CUL2: variants seen among roughly 807,000 people sequenced by gnomAD.
The protein encoded by CUL2 is cullin-2.
In CUL2, 22 loss-of-function variants were observed where a neutral mutation model predicts 110.2. The ratio of observed to expected loss-of-function variants is 0.20; its 90% CI spans 0.14 to 0.28. The LOEUF is 0.28. Among genes scored for constraint, CUL2 ranks in the 10% least tolerant of loss-of-function variants. CUL2 has a pLI of 1.00. For missense variants in CUL2, 631 were observed against 905.5 expected (o/e 0.70, Z 3.89); for synonymous variants, 279 against 293.2 (o/e 0.95, Z 0.49).
At chr10:35,115,081 G>A (rs1372104579) in intron 1 of CUL2, among the ~76,000 whole-genome samples, 1 of 151,948 alleles carries the variant, frequency 6.6e-6, no homozygotes, top group Non-Finnish European at 1.5e-5. Context: ...ATGTGATGAT[G>A]TGCGCCTTTA....
intron 1 of CUL2, among the ~76,000 whole-genome samples, chr10:35,076,314 T>G (rs1446284924): frequency 1.3e-5 from 2 of 152,174 alleles, no homozygotes; most frequent in Non-Finnish European, 1.5e-5. Context: ...GAAAATGCTC[T>G]AAAGTTGATT....
intron 6 of CUL2, among the ~76,000 whole-genome samples, chr10:35,049,364 G>C (rs966232054): frequency 1.3e-5 from 2 of 152,048 alleles, no homozygotes; most frequent in Non-Finnish European, 2.9e-5. Context: ...AGCAACTCAG[G>C]GCACTGCCTA....
At chr10:35,107,662 C>T (rs531799516) in intron 1 of CUL2, among the ~76,000 whole-genome samples, 1 of 151,076 alleles carries the variant, frequency 6.6e-6, no homozygotes, top group Non-Finnish European at 1.5e-5. Flanking sequence ...GCGGGTGAAT[C>T]ACGAGGTCAG....
intron 1 of CUL2, among the ~76,000 whole-genome samples, chr10:35,111,073 A>G (rs987572105): frequency 2.0e-5 from 3 of 152,196 alleles, no homozygotes; most frequent in Admixed American, 2.0e-4. Flanking sequence ...TAAAAGTAGC[A>G]TGCATGGGTT....
intron 1 of CUL2, among the ~76,000 whole-genome samples, chr10:35,078,972 T>A (rs533110140): frequency 2.0e-5 from 3 of 152,286 alleles, no homozygotes; most frequent in African/African-American, 7.2e-5. Flanking sequence ...AGAGCAGATT[T>A]CCTTCCAAAT....
chr10:35,054,563 T>C (rs975559856), intron 4 of CUL2, 24 bp from the exon 5 acceptor site: 1 of 1,320,012 alleles, frequency 7.6e-7, no homozygotes, highest in Non-Finnish European at 1.1e-6. Context: ...GTAATATCAA[T>C]GGATATTAAG....
rs992427858 is a variant in CUL2, at chr10:35,061,934, A to G, written c.223-966T>C. ...GTTCTTACCATTTAAAAAAGTATCT[A>G]CTCCTGACCACGTGCAGGGTTAGAC... On this transcript the variant is annotated intron_variant, in intron 3 of 20. Transcript: ENST00000374749. Among the ~76,000 whole-genome samples the G allele has an allele frequency of 4.0e-5, 6 of 151,668 alleles. No homozygotes were observed. The East Asian group carries it at 1.2e-3, about 29-fold the overall frequency.
intron 2 of CUL2, among the ~76,000 whole-genome samples, chr10:35,097,381 T>C (rs1308728739): frequency 6.7e-6 from 1 of 150,340 alleles, no homozygotes. Context: ...AAGACCAGCC[T>C]GGGGAGGCTG....
intron 9 of CUL2, among the ~76,000 whole-genome samples, chr10:35,037,071 G>A (rs958904638): frequency 3.3e-5 from 5 of 152,012 alleles, no homozygotes; most frequent in African/African-American, 1.2e-4. Context: ...GGCTTTTTGT[G>A]TCCTATTTAA....
At chr10:35,123,153 T>C (rs540187418) in intron 1 of CUL2, among the ~76,000 whole-genome samples, 1 of 61,220 alleles carries the variant, frequency 1.6e-5, no homozygotes, top group South Asian at 8.8e-4. Context: ...AAGCAAAACA[T>C]AACAAAAAAC....
At chr10:35,108,700 T>C (rs936550600) in intron 1 of CUL2, among the ~76,000 whole-genome samples, 1 of 152,028 alleles carries the variant, frequency 6.6e-6, no homozygotes, top group Non-Finnish European at 1.5e-5. Flanking sequence ...GGGTTTCTCA[T>C]GAGATTTCAG....
chr10:35,071,399 T>G, intron 1 of CUL2, 60 bp from the exon 2 acceptor site: 1 of 1,447,538 alleles, frequency 6.9e-7, no homozygotes, highest in Non-Finnish European at 9.6e-7. Flanking sequence ...GTTTTTTTGT[T>G]GTTGTTTTTT....
chr10:35,012,436 C>T (rs1180712031), intron 19 of CUL2, among the ~76,000 whole-genome samples: 3 of 152,002 alleles, frequency 2.0e-5, no homozygotes, highest in Non-Finnish European at 4.4e-5. Flanking sequence ...GGAGTTGTGT[C>T]AACTGCAGTA....
At chr10:35,013,677 A>G (rs769264066) in intron 19 of CUL2, 22 bp downstream of exon 19, 1 of 1,471,540 alleles carries the variant, frequency 6.8e-7, no homozygotes, top group Admixed American at 2.0e-5. Context: ...CTCAAAAAAA[A>G]CTTGACATTA....
At chr10:35,076,140 A>G (rs2086812100) in intron 1 of CUL2, among the ~76,000 whole-genome samples, 1 of 152,210 alleles carries the variant, frequency 6.6e-6, no homozygotes, top group African/African-American at 2.4e-5. Flanking sequence ...TGACCCTCAA[A>G]AACATTCTAC....
chr10:35,010,425 T>G lies in CUL2; in HGVS notation c.2124A>C (p.Arg708Ser), dbSNP rs1183241411. Reference sequence around the variant, plus strand: ...TGCTGATACTGGGATTAAACCTAGCTCTTGACTGGCTAATCACCTGTGGAA... The same window carrying G: ...TGCTGATACTGGGATTAAACCTAGCGCTTGACTGGCTAATCACCTGTGGAA... ...ALIQEVISQS[R>S]ARFNPSISMI... is the part of the protein sequence containing the mutation. The change falls in exon 21 of 21, where the codon AGA becomes AGC. Residue 708 changes from arginine to serine, a missense_variant. Physicochemically the swap from Arg to Ser is moderately radical, Grantham distance 110. Transcript: ENST00000374749. The G allele has an allele frequency of 1.2e-6, 2 of 1,610,104 alleles. No homozygotes were observed. Among genetic ancestry groups the G allele is most frequent in the African/African-American group, 1.3e-5 (1 of 74,620 alleles).
chr10:35,059,957 C>T (rs941546092), intron 4 of CUL2, among the ~76,000 whole-genome samples: 1 of 152,162 alleles, frequency 6.6e-6, no homozygotes, highest in Non-Finnish European at 1.5e-5. Flanking sequence ...ACAAATAGCA[C>T]CAATTTAATA....
chr10:35,045,060 A>C (rs1849965283), intron 6 of CUL2, among the ~76,000 whole-genome samples, 192 bp from the exon 7 acceptor site: 2 of 152,202 alleles, frequency 1.3e-5, no homozygotes, highest in Non-Finnish European at 2.9e-5. Context: ...CATGATAGTT[A>C]ATGTATACAT....
At chr10:35,071,038 T>C (rs758103864) in intron 2 of CUL2, among the ~76,000 whole-genome samples, 161 bp downstream of exon 2, 3 of 152,172 alleles carry the variant, frequency 2.0e-5, no homozygotes, top group Non-Finnish European at 2.9e-5. Context: ...GGTTATCAAA[T>C]ACTGATTGCC....
Sources: allele counts gnomAD v4.1 joint callset (sites outside exome capture counted in the v4.1 genomes callset), GRCh38; gene constraint gnomAD v4.1.1; transcripts MANE v1.5; gene names NCBI Gene and HGNC (gene_info 2026-07-23, HGNC 2026-07-21).